CSMD3: variants seen among roughly 807,000 people sequenced by gnomAD.
CSMD3 encodes the protein CUB and Sushi multiple domains 3, also known as CUB and sushi domain-containing protein 3.
A neutral mutation model predicts 435.2 loss-of-function variants in CSMD3; 177 were observed. That is an observed-to-expected ratio of 0.41 (90% confidence interval 0.36 to 0.46). CSMD3 has a LOEUF of 0.46. Among genes scored for constraint, CSMD3 ranks in the 20% least tolerant of loss-of-function variants. The probability of loss-of-function intolerance (pLI) is 0.34; values close to 1 mark genes in which losing one functional copy is unlikely to be tolerated. For synonymous variants in CSMD3, 1,656 were observed against 1,520.5 expected (o/e 1.09, Z -2.07); for missense variants, 4,265 against 4,504.6 (o/e 0.95, Z 1.52).
intron 32 of CSMD3, among the ~76,000 whole-genome samples, chr8:112,410,919 C>T (rs1041867866): frequency 2.7e-5 from 4 of 150,296 alleles, no homozygotes; most frequent in African/African-American, 9.7e-5. Flanking sequence ...CCCAAAAAGG[C>T]TCTTGGCATG....
chr8:113,415,629 G>T (rs1262462105), intron 1 of CSMD3, among the ~76,000 whole-genome samples: 3 of 152,052 alleles, frequency 2.0e-5, no homozygotes, highest in Non-Finnish European at 4.4e-5. Flanking sequence ...GCAAAATTTT[G>T]ACCTTAACAG....
intron 2 of CSMD3, among the ~76,000 whole-genome samples, chr8:113,286,366 G>T (rs954109139): frequency 2.0e-5 from 3 of 152,014 alleles, no homozygotes; most frequent in Admixed American, 6.6e-5. Context: ...AATATGAAAA[G>T]TACTAAAGTA....
chr8:112,224,989 C>G (rs1472641375), intron 70 of CSMD3, 59 bp from the exon 71 acceptor site: 1 of 1,458,180 alleles, frequency 6.9e-7, no homozygotes, highest in African/African-American at 1.4e-5. Context: ...CAGCAGACTA[C>G]AGCTCAAACA....
intron 5 of CSMD3, among the ~76,000 whole-genome samples, chr8:113,078,470 C>G (rs902672489): frequency 2.0e-5 from 3 of 152,120 alleles, no homozygotes; most frequent in African/African-American, 7.2e-5. Context: ...AATACTGTTA[C>G]ATTAAAGGAA....
At chr8:112,695,938 A>G (rs553707223) in intron 13 of CSMD3, among the ~76,000 whole-genome samples, 60 of 152,310 alleles carry the variant, frequency 3.9e-4, no homozygotes, top group African/African-American at 1.3e-3. Context: ...TACACCAATA[A>G]CAGACAGAGA....
chr8:112,599,186 A>AC (rs1491352613), intron 22 of CSMD3, among the ~76,000 whole-genome samples: 5 of 147,576 alleles, frequency 3.4e-5, no homozygotes, highest in Non-Finnish European at 7.5e-5. Flanking sequence ...AAAAAAAACA[A>AC]CCCCATCAAA....
At chr8:112,717,026 A>C (rs2076747021) in intron 13 of CSMD3, among the ~76,000 whole-genome samples, 1 of 152,194 alleles carries the variant, frequency 6.6e-6, no homozygotes, top group African/African-American at 2.4e-5. Flanking sequence ...TTTCATGATG[A>C]AAATACCAAA....
Position 112,241,720 on chromosome 8 carries a change from C to T in CSMD3, c.10468G>A (p.Val3490Ile), listed in dbSNP as rs765448542. 8 of 1,607,296 alleles carry T rather than the reference C, an allele frequency of 5.0e-6. No homozygotes were observed. In the East Asian group the frequency reaches 1.3e-4, roughly 27 times the overall value. ...TAGAAAAACAAATGACATTACTAAC[C>T]ACTTAGCTTTGGGCTGGGTGTTCCC... ...ALGTPSPKLSVPDDVFAQNYI... is the reference protein window; with the variant it reads ...ALGTPSPKLSIPDDVFAQNYI... The change falls in exon 66 of 71, where the codon GTT (valine) becomes ATT (isoleucine). Residue 3490 changes from valine to isoleucine, a missense_variant and splice_region_variant. Physicochemically the swap from Val to Ile is conservative, Grantham distance 29 (BLOSUM62 3). Coordinates refer to ENST00000297405, the MANE Select transcript of CSMD3 (RefSeq NM_198123.2).
intron 27 of CSMD3, among the ~76,000 whole-genome samples, chr8:112,545,496 A>AAAT (rs1554609843): frequency 7.0e-5 from 10 of 141,992 alleles, no homozygotes; most frequent in East Asian, 6.0e-4. Flanking sequence ...AAAAAAAAAA[A>AAAT]AAAAAAATAA....
intron 59 of CSMD3, among the ~76,000 whole-genome samples, chr8:112,277,014 GC>G (rs1416821067): frequency 6.6e-6 from 1 of 152,052 alleles, no homozygotes; most frequent in Non-Finnish European, 1.5e-5. Flanking sequence ...GGGAGGAGCT[GC>G]CACAGACTTC....
chr8:112,791,804 G>A (rs1444683812), intron 13 of CSMD3, among the ~76,000 whole-genome samples: 2 of 152,118 alleles, frequency 1.3e-5, no homozygotes, highest in African/African-American at 4.8e-5. Context: ...TTGCCAAGCT[G>A]TTTTCCAAAA....
chr8:112,424,967 G>A (rs1235332423), intron 32 of CSMD3, among the ~76,000 whole-genome samples: 1 of 152,182 alleles, frequency 6.6e-6, no homozygotes. Flanking sequence ...TGGGATTACA[G>A]GCATGAGCCA....
intron 6 of CSMD3, among the ~76,000 whole-genome samples, chr8:113,002,507 T>C (rs549314774): frequency 6.6e-6 from 1 of 152,214 alleles, no homozygotes; most frequent in Non-Finnish European, 1.5e-5. Flanking sequence ...TAGCTTCAAT[T>C]AAAAATAAAC....
chr8:113,015,501 G>A lies in CSMD3; in HGVS notation c.1030+3566C>T, dbSNP rs184020331. 4.3e-3 allele frequency among the ~76,000 whole-genome samples: 656 copies of A among 151,804 alleles called. 13 individuals carry two copies. The highest frequency in any genetic ancestry group is 2.4e-3 in the Non-Finnish European group (163 of 67,822). On this transcript the variant is annotated intron_variant, in intron 6 of 70. Transcript: ENST00000297405. Reference sequence around the variant, plus strand: ...TAAGGAATTTAGAGGCTTGAATCAAGAATATAAAATTACTCATATATTTAC... The same window carrying A: ...TAAGGAATTTAGAGGCTTGAATCAAAAATATAAAATTACTCATATATTTAC...
At chr8:112,773,749 A>T (rs925023578) in intron 13 of CSMD3, among the ~76,000 whole-genome samples, 1 of 152,044 alleles carries the variant, frequency 6.6e-6, no homozygotes, top group Non-Finnish European at 1.5e-5. Context: ...AAATTAACCG[A>T]TAGTGAGAAA....
chr8:112,228,599 G>C (rs933404212), intron 70 of CSMD3, among the ~76,000 whole-genome samples, 157 bp downstream of exon 70: 1 of 152,102 alleles, frequency 6.6e-6, no homozygotes, highest in Non-Finnish European at 1.5e-5. Flanking sequence ...GGGTGGTTAG[G>C]GGAAATAAAT....
intron 30 of CSMD3, among the ~76,000 whole-genome samples, chr8:112,499,102 TAAAAA>T (rs1039625986): frequency 6.6e-6 from 1 of 151,886 alleles, no homozygotes; most frequent in Non-Finnish European, 1.5e-5. Flanking sequence ...TAAGTAAACT[TAAAAA>T]TAAATAAGCA....
At chr8:113,118,028 A>G (rs1014560992) in intron 4 of CSMD3, among the ~76,000 whole-genome samples, 1 of 152,134 alleles carries the variant, frequency 6.6e-6, no homozygotes, top group African/African-American at 2.4e-5. Flanking sequence ...TTACTGCTGG[A>G]ATGAGTTGTA....
chr8:112,787,728 T>TA (rs1357621459), intron 13 of CSMD3, among the ~76,000 whole-genome samples: 20 of 152,020 alleles, frequency 1.3e-4, no homozygotes, highest in African/African-American at 4.8e-4. Flanking sequence ...TTGTGGAAGC[T>TA]AAAAATTGAA....
Sources: allele counts gnomAD v4.1 joint callset (sites outside exome capture counted in the v4.1 genomes callset), GRCh38; gene constraint gnomAD v4.1.1; transcripts MANE v1.5; gene names NCBI Gene and HGNC (gene_info 2026-07-23, HGNC 2026-07-21).